RPTOR: variants seen among roughly 807,000 people sequenced by gnomAD.
The protein encoded by RPTOR is regulatory associated protein of MTOR complex 1.
In RPTOR, 21 loss-of-function variants were observed where a neutral mutation model predicts 169.9. The ratio of observed to expected loss-of-function variants is 0.12; its 90% CI spans 0.09 to 0.18. The LOEUF (loss-of-function observed/expected upper bound fraction) is 0.18. Ranked by LOEUF, RPTOR falls within the 10% of genes least tolerant of loss-of-function variation. RPTOR has a pLI of 1.00. For synonymous variants in RPTOR, 732 were observed against 753.2 expected (o/e 0.97, Z 0.46); for missense variants, 1,133 against 1,855.9 (o/e 0.61, Z 7.16).
At chr17:80,715,130 G>A (rs553032230) in intron 4 of RPTOR, among the ~76,000 whole-genome samples, 4 of 152,278 alleles carry the variant, frequency 2.6e-5, no homozygotes, top group African/African-American at 7.2e-5. Flanking sequence ...TAGAGTACAG[G>A]CAACAGAGAC....
At chr17:80,587,518 G>C (rs2065071394) in intron 1 of RPTOR, among the ~76,000 whole-genome samples, 1 of 152,132 alleles carries the variant, frequency 6.6e-6, no homozygotes, top group South Asian at 2.1e-4. Context: ...CCTAGGAGTG[G>C]AATTGCGTAG....
chr17:80,824,616 G>A (rs80052712), intron 9 of RPTOR, among the ~76,000 whole-genome samples: 1 of 152,124 alleles, frequency 6.6e-6, no homozygotes, highest in Admixed American at 6.5e-5. Flanking sequence ...GAAAAAAAAA[G>A]CTGAAGGGGT....
At chr17:80,617,787 C>T (rs1024403484) in intron 1 of RPTOR, among the ~76,000 whole-genome samples, 8 of 152,164 alleles carry the variant, frequency 5.3e-5, no homozygotes, top group Non-Finnish European at 8.8e-5. Context: ...TCACGCAGTC[C>T]TTGGTGGGCG....
Position 80,826,201 on chromosome 17 carries a change from A to C in RPTOR, c.1136+2978A>C, listed in dbSNP as rs549191418. Among the ~76,000 whole-genome samples the C allele has an allele frequency of 2.5e-3, 376 of 152,274 alleles. 1 individual carries two copies. The highest frequency in any genetic ancestry group is 8.3e-3 in the African/African-American group (347 of 41,564). On this transcript the variant is annotated intron_variant, in intron 9 of 33. Coordinates refer to ENST00000306801, the MANE Select transcript of RPTOR (RefSeq NM_020761.3). ...AAGGGGATCCCGGCCCCTCCCTCAC[A>C]GTGTCTTGCTGTAAGAGAAAATCTC... is the stretch of plus-strand genomic sequence containing the variant.
intron 4 of RPTOR, among the ~76,000 whole-genome samples, chr17:80,716,029 C>T (rs572695014): frequency 1.1e-3 from 169 of 152,270 alleles, no homozygotes; most frequent in African/African-American, 4.0e-3. Flanking sequence ...TATAAACATG[C>T]GTGTGCAAGT....
chr17:80,813,335 G>A (rs554262328), intron 7 of RPTOR, among the ~76,000 whole-genome samples: 1 of 152,312 alleles, frequency 6.6e-6, no homozygotes, highest in Admixed American at 6.5e-5. Context: ...ATTTTCACTG[G>A]TTTCACGAAA....
intron 3 of RPTOR, among the ~76,000 whole-genome samples, chr17:80,700,393 A>T (rs1375587398): frequency 7.6e-6 from 1 of 130,834 alleles, no homozygotes; most frequent in African/African-American, 2.9e-5. Flanking sequence ...TGATGGTGGT[A>T]GTGGTGGTGA....
chr17:80,715,350 T>C (rs1386230150), intron 4 of RPTOR, among the ~76,000 whole-genome samples: 2 of 152,168 alleles, frequency 1.3e-5, no homozygotes, highest in African/African-American at 4.8e-5. Context: ...GACAGATGCC[T>C]TAAAATACAA....
chr17:80,737,518 C>T (rs1263086786), intron 5 of RPTOR, among the ~76,000 whole-genome samples: 1 of 152,176 alleles, frequency 6.6e-6, no homozygotes, highest in Non-Finnish European at 1.5e-5. Context: ...GTCCTGATGG[C>T]AGGTCTTCAG....
chr17:80,943,973 C>T (rs986556021), intron 25 of RPTOR, among the ~76,000 whole-genome samples: 3 of 152,214 alleles, frequency 2.0e-5, no homozygotes, highest in Admixed American at 6.5e-5. Context: ...CAGCTTGTGT[C>T]CTTGGTGCCA....
At chr17:80,780,424 A>G (rs1368666810) in intron 6 of RPTOR, among the ~76,000 whole-genome samples, 1 of 152,052 alleles carries the variant, frequency 6.6e-6, no homozygotes, top group Non-Finnish European at 1.5e-5. Context: ...AATGCTTAGG[A>G]AGACAACTGG....
At position 80,695,882 on chromosome 17, in the gene RPTOR, G is replaced by C. The variant is rs561161716; in HGVS notation, c.349-11959G>C. ...GACCACTTTTGCCCTGCATGGCCTCGTGGCTGCCTTTTCTACCTGCGTGAG... is the reference window on the plus strand; with the variant it reads ...GACCACTTTTGCCCTGCATGGCCTCCTGGCTGCCTTTTCTACCTGCGTGAG... On this transcript the variant is annotated intron_variant, in intron 3 of 33. Coordinates refer to ENST00000306801, the MANE Select transcript of RPTOR (RefSeq NM_020761.3). This position sits in a 1 kb window ranked among gnomAD's most constrained non-coding sequence, Gnocchi z 4.9. Among the ~76,000 whole-genome samples, 4 of 152,310 alleles carry C rather than the reference G, an allele frequency of 2.6e-5. No homozygotes were observed. The South Asian group carries it at 8.3e-4, about 32-fold the overall frequency.
In RPTOR at chr17:80,860,599, C is replaced by T. The variant is rs578006177; in HGVS notation, c.1509+2699C>T. On this transcript the variant is annotated intron_variant, in intron 13 of 33. Transcript: ENST00000306801. This position sits in a 1 kb window ranked among gnomAD's most constrained non-coding sequence, Gnocchi z 5.8. ...CAGGGGGCAGTGGGGAGGCTGCTGCCGAAGCGGACGGTGAGGGCTTCCACC... is the reference window on the plus strand; with the variant it reads ...CAGGGGGCAGTGGGGAGGCTGCTGCTGAAGCGGACGGTGAGGGCTTCCACC... 2.0e-5 allele frequency among the ~76,000 whole-genome samples: 3 copies of T among 152,168 alleles called. No homozygotes were observed. Among genetic ancestry groups the T allele is most frequent in the Non-Finnish European group, 4.4e-5 (3 of 68,002 alleles).
At chr17:80,744,648 C>G (rs77187906) in intron 5 of RPTOR, among the ~76,000 whole-genome samples, 129 of 564 alleles carry the variant, frequency 0.23, 52 homozygotes, top group East Asian at 0.6. Flanking sequence ...TACTAGCACT[C>G]TCCTGGTTAC....
At chr17:80,773,684 T>G in intron 6 of RPTOR, 1 of 570,398 alleles carries the variant, frequency 1.8e-6, no homozygotes, top group Non-Finnish European at 2.2e-6. Context: ...TCCTAGATGT[T>G]ATTTGGATTT....
At chr17:80,619,065 G>A (rs751916659) in intron 1 of RPTOR, among the ~76,000 whole-genome samples, 8 of 152,008 alleles carry the variant, frequency 5.3e-5, no homozygotes, top group East Asian at 1.9e-4. Flanking sequence ...GTGTAGCTTC[G>A]GCTTTGCTCC....
chr17:80,687,171 C>G (rs889598607), intron 3 of RPTOR, among the ~76,000 whole-genome samples: 1 of 152,198 alleles, frequency 6.6e-6, no homozygotes, highest in Non-Finnish European at 1.5e-5. Flanking sequence ...CATTCTCTGC[C>G]GAGAGTTCTG....
At chr17:80,623,375 T>A (rs1024554860) in intron 1 of RPTOR, among the ~76,000 whole-genome samples, 2 of 152,212 alleles carry the variant, frequency 1.3e-5, no homozygotes, top group African/African-American at 2.4e-5. Context: ...AAGAAACTGT[T>A]ATGGGGAAAT....
At position 80,730,432 on chromosome 17, in the gene RPTOR, A is replaced by G. The variant is rs1203027122; in HGVS notation, c.508-128A>G. The G allele has an allele frequency of 3.0e-6, 3 of 1,010,228 alleles. No homozygotes were observed. In the African/African-American group the frequency reaches 4.8e-5, roughly 16 times the overall value. The allele number at this position is 1,010,228 out of a possible 1,614,324, so 62.6% of individuals were successfully genotyped here. On this transcript the variant is annotated intron_variant, in intron 4 of 33. Coordinates refer to ENST00000306801, the MANE Select transcript of RPTOR (RefSeq NM_020761.3). The surrounding 1 kb of genome is among the most constrained non-coding windows in gnomAD (Gnocchi z 4.2). ...TTTGCTGTTTTTTATAGTTTTGTAT[A>G]AAGGCTAACTCAGCGTCTCTCCAGC... is the stretch of plus-strand genomic sequence containing the variant.
Sources: allele counts gnomAD v4.1 joint callset (sites outside exome capture counted in the v4.1 genomes callset), GRCh38; gene constraint gnomAD v4.1.1; non-coding constraint Gnocchi (gnomAD v3.1); transcripts MANE v1.5; gene names NCBI Gene and HGNC (gene_info 2026-07-23, HGNC 2026-07-21).